Variants in CILK1 observed in about 807,000 individuals in gnomAD.
The protein encoded by CILK1 is serine/threonine-protein kinase ICK.
A neutral mutation model predicts 79.2 loss-of-function variants in CILK1; 47 were observed. The observed-to-expected ratio is 0.59, with a 90% CI of 0.47 to 0.76. The LOEUF is 0.76. CILK1 is among the 30% of genes least tolerant of loss of function. The probability of loss-of-function intolerance (pLI) is 0.00; values close to 1 mark genes in which losing one functional copy is unlikely to be tolerated. For synonymous variants in CILK1, 266 were observed against 275.9 expected, an observed-to-expected ratio of 0.96 and a Z score of 0.36; for missense variants, 660 against 769.5, an observed-to-expected ratio of 0.86 and a Z score of 1.68.
chr6:53,020,133 T>C (rs778316645), intron 5 of CILK1, among the ~76,000 whole-genome samples: 3 of 152,188 alleles, frequency 2.0e-5, no homozygotes, highest in Non-Finnish European at 4.4e-5. Flanking sequence ...CTTTGCCTAG[T>C]GAGGAAGTAC....
At chr6:53,048,045 A>G (rs1767220216) in intron 1 of CILK1, among the ~76,000 whole-genome samples, 1 of 152,046 alleles carries the variant, frequency 6.6e-6, no homozygotes, top group African/African-American at 2.4e-5. Flanking sequence ...AGGCTGATAC[A>G]CTGTGTAACT....
chr6:53,040,972 C>T (rs1043744274), intron 2 of CILK1, among the ~76,000 whole-genome samples, 164 bp downstream of exon 2: 6 of 152,164 alleles, frequency 3.9e-5, no homozygotes, highest in Non-Finnish European at 8.8e-5. Context: ...GTTTTCAGAC[C>T]TCTAACATGA....
intron 8 of CILK1, among the ~76,000 whole-genome samples, chr6:53,014,805 T>TG (rs1764798511): frequency 6.6e-6 from 1 of 152,202 alleles, no homozygotes; most frequent in African/African-American, 2.4e-5. Flanking sequence ...TTAACTGATT[T>TG]GGGGGGTATT....
At chr6:53,048,810 T>G (rs921136453) in intron 1 of CILK1, among the ~76,000 whole-genome samples, 3 of 152,326 alleles carry the variant, frequency 2.0e-5, no homozygotes, top group African/African-American at 7.2e-5. Flanking sequence ...ATGATAGATC[T>G]AAGCCAAGCA....
intron 5 of CILK1, among the ~76,000 whole-genome samples, chr6:53,023,209 A>T (rs1765361168): frequency 6.6e-6 from 1 of 152,172 alleles, no homozygotes; most frequent in African/African-American, 2.4e-5. Flanking sequence ...CTGGGATTAC[A>T]GGTGTAAGCC....
At chr6:53,022,705 C>T (rs1257994637) in intron 5 of CILK1, among the ~76,000 whole-genome samples, 2 of 152,230 alleles carry the variant, frequency 1.3e-5, no homozygotes, top group East Asian at 1.9e-4. Context: ...TCCTCCAACA[C>T]CTGTTTTGAG....
At chr6:53,042,708 C>A (rs1766797101) in intron 1 of CILK1, among the ~76,000 whole-genome samples, 1 of 152,144 alleles carries the variant, frequency 6.6e-6, no homozygotes, top group Non-Finnish European at 1.5e-5. Context: ...TACAAAGTGT[C>A]CAGATCACAA....
At chr6:53,009,389 A>C in intron 12 of CILK1, 50 bp downstream of exon 12, 1 of 1,594,280 alleles carries the variant, frequency 6.3e-7, no homozygotes, top group Non-Finnish European at 8.6e-7. Flanking sequence ...ACCTTCCTGC[A>C]TCCAGGGAAT....
At chr6:53,046,662 G>A (rs915177455) in intron 1 of CILK1, among the ~76,000 whole-genome samples, 1 of 152,180 alleles carries the variant, frequency 6.6e-6, no homozygotes, top group Non-Finnish European at 1.5e-5. Flanking sequence ...TCAGACTAGT[G>A]TCTCTTCAAG....
rs769027134 is a variant in CILK1 at position 53,019,297 on chromosome 6, T to C, written c.421A>G (p.Ile141Val). The C allele has an allele frequency of 6.2e-7, 1 of 1,614,064 alleles. No homozygotes were observed. Among genetic ancestry groups the C allele is most frequent in the Non-Finnish European group, 8.5e-7 (1 of 1,179,936 alleles). ...TCTCGGGCCAAACCAAAGTCTGCAATTTTCACAAGTTCTGGTCCCATGCAG... is the reference window on the plus strand; with the variant it reads ...TCTCGGGCCAAACCAAAGTCTGCAACTTTCACAAGTTCTGGTCCCATGCAG... ...LLCMGPELVK[I>V]ADFGLAREIR... is the part of the protein sequence containing the mutation. The change falls in exon 6 of 14, where the codon ATT becomes GTT. Residue 141 changes from isoleucine (I) to valine (V), a missense_variant. Coordinates refer to ENST00000676107, the MANE Select transcript of CILK1 (RefSeq NM_014920.5).
chr6:53,011,713 TC>T lies in CILK1; in HGVS notation c.1492+55del, dbSNP rs372434606. On this transcript the variant is annotated intron_variant, in intron 11 of 13. Transcript: ENST00000676107. Reference sequence around the variant, plus strand: ...AACAGAACCTTTGTGAATATGTGATTCCAAGGACAGGGTTTCTTATTAATAA... The same window carrying T: ...AACAGAACCTTTGTGAATATGTGATTCAAGGACAGGGTTTCTTATTAATAA... 1.8e-5 allele frequency: 28 copies of T among 1,537,698 alleles called. 1 individual carries two copies. The highest frequency in any genetic ancestry group is 1.8e-4 in the African/African-American group (13 of 73,422).
chr6:53,027,862 C>T (rs928091182), intron 5 of CILK1, among the ~76,000 whole-genome samples: 4 of 151,858 alleles, frequency 2.6e-5, no homozygotes, highest in African/African-American at 9.7e-5. Flanking sequence ...AAAAATTAGC[C>T]GGGCGCCGGG....
chr6:53,027,511 C>G (rs1017905775), intron 5 of CILK1, among the ~76,000 whole-genome samples: 26 of 152,156 alleles, frequency 1.7e-4, no homozygotes, highest in African/African-American at 5.8e-4. Context: ...AGTCTACCCC[C>G]CAGAGGCAGA....
intron 3 of CILK1, among the ~76,000 whole-genome samples, chr6:53,035,683 G>A (rs1000523537): frequency 6.6e-6 from 1 of 152,184 alleles, no homozygotes; most frequent in African/African-American, 2.4e-5. Flanking sequence ...GTGGCGTGGT[G>A]AGTACCCAGG....
chr6:53,009,913 C>A (rs541303571), intron 11 of CILK1, among the ~76,000 whole-genome samples: 1 of 152,278 alleles, frequency 6.6e-6, no homozygotes, highest in East Asian at 1.9e-4. Flanking sequence ...CCATCCCCCA[C>A]CCATGGCCTC....
intron 1 of CILK1, among the ~76,000 whole-genome samples, chr6:53,053,332 A>G (rs563662331): frequency 6.6e-6 from 1 of 152,344 alleles, no homozygotes; most frequent in East Asian, 1.9e-4. Flanking sequence ...TTTGACTCCA[A>G]GAATTAACTT....
At chr6:53,021,341 G>A (rs1484912020) in intron 5 of CILK1, among the ~76,000 whole-genome samples, 2 of 134,642 alleles carry the variant, frequency 1.5e-5, no homozygotes, top group African/African-American at 2.9e-5. Context: ...GCGCGGGGGG[G>A]TTGGGGGGGT....
At chr6:53,055,973 G>A (rs1767832789) in intron 1 of CILK1, among the ~76,000 whole-genome samples, 1 of 152,196 alleles carries the variant, frequency 6.6e-6, no homozygotes, top group Non-Finnish European at 1.5e-5. Context: ...AACTGCCGAG[G>A]GTGGCAATAG....
intron 12 of CILK1, 39 bp downstream of exon 12, chr6:53,009,400 T>G (rs1427187744): frequency 4.4e-6 from 7 of 1,607,624 alleles, no homozygotes; most frequent in Non-Finnish European, 5.1e-6. Flanking sequence ...TCCAGGGAAT[T>G]TGCTTTTTGC....
Sources: allele counts gnomAD v4.1 joint callset (sites outside exome capture counted in the v4.1 genomes callset), GRCh38; gene constraint gnomAD v4.1.1; transcripts MANE v1.5; gene names NCBI Gene and HGNC (gene_info 2026-07-23, HGNC 2026-07-21).